ELMO1: variants seen among roughly 807,000 people sequenced by gnomAD.
ELMO1 encodes engulfment and cell motility 1, also known as engulfment and cell motility protein 1.
A neutral mutation model predicts 98.9 loss-of-function variants in ELMO1; 26 were observed. The ratio of observed to expected loss-of-function variants is 0.26; its 90% CI spans 0.19 to 0.36. The LOEUF is 0.36. Among genes scored for constraint, ELMO1 ranks in the 10% least tolerant of loss-of-function variants. ELMO1 has a pLI of 1.00. For synonymous variants in ELMO1, 346 were observed against 346.0 expected, an observed-to-expected ratio of 1.00 and a Z score of 0.00; for missense variants, 627 against 935.2, an observed-to-expected ratio of 0.67 and a Z score of 4.30.
intron 13 of ELMO1, among the ~76,000 whole-genome samples, chr7:37,202,977 C>T (rs1014587762): frequency 2.6e-5 from 4 of 152,078 alleles, no homozygotes; most frequent in East Asian, 3.9e-4. Flanking sequence ...CCCTGCTGAT[C>T]GGAATAGTTG....
chr7:37,354,651 C>G (rs1337249065), intron 1 of ELMO1, among the ~76,000 whole-genome samples: 6 of 152,182 alleles, frequency 3.9e-5, no homozygotes, highest in African/African-American at 1.4e-4. Context: ...TTTTCAAATT[C>G]CTTTTCAGCT....
At chr7:37,444,416 C>T (rs1447619357) in intron 1 of ELMO1, among the ~76,000 whole-genome samples, 5 of 152,220 alleles carry the variant, frequency 3.3e-5, no homozygotes, top group Admixed American at 3.3e-4. Flanking sequence ...GAGCTACTGC[C>T]TTTCTGCATC....
intron 13 of ELMO1, among the ~76,000 whole-genome samples, chr7:37,141,139 CATCA>C (rs1756154069): frequency 1.3e-5 from 2 of 152,282 alleles, no homozygotes; most frequent in South Asian, 4.1e-4. Context: ...CCCAAATGCC[CATCA>C]ATCAATGAGT....
Position 37,290,553 on chromosome 7 carries a change from G to A in ELMO1, c.193-18671C>T, listed in dbSNP as rs78814342. Among the ~76,000 whole-genome samples the A allele has an allele frequency of 1.3e-3, 205 of 152,130 alleles. 3 individuals are homozygous for A. The East Asian group carries it at 0.035, about 26-fold the overall frequency. ...TAAACAATGGAAGTGCTTAAAACACGTACAATTTATGATGGATACAAAATT... is the reference window on the plus strand; with the variant it reads ...TAAACAATGGAAGTGCTTAAAACACATACAATTTATGATGGATACAAAATT... On this transcript the variant is annotated intron_variant, in intron 4 of 21. Transcript: ENST00000310758.
intron 20 of ELMO1, among the ~76,000 whole-genome samples, chr7:36,865,663 G>A (rs1270087700): frequency 1.3e-5 from 2 of 152,174 alleles, no homozygotes; most frequent in Non-Finnish European, 2.9e-5. Flanking sequence ...CTTTTCAAAA[G>A]CTAGATCAGA....
At chr7:37,373,657 T>G (rs1583644499) in intron 1 of ELMO1, among the ~76,000 whole-genome samples, 1 of 152,240 alleles carries the variant, frequency 6.6e-6, no homozygotes, top group East Asian at 1.9e-4. Flanking sequence ...CTATTTTAAT[T>G]TTTTAATTTT....
chr7:37,180,024 A>T (rs1262720083), intron 13 of ELMO1, among the ~76,000 whole-genome samples: 2 of 151,730 alleles, frequency 1.3e-5, no homozygotes, highest in Non-Finnish European at 2.9e-5. Flanking sequence ...GAATGAACAT[A>T]AAGCAAATTC....
Position 36,887,638 on chromosome 7 carries a change from C to G in ELMO1, c.1636G>C (p.Glu546Gln). ...LKEKIQPEILELIKQQRLNRL... is the reference protein window; with the variant it reads ...LKEKIQPEILQLIKQQRLNRL... ...TTCAGGCGTTGCTGTTTGATCAGCT[C>G]TAAGATTTCTGGCTGAATCTTCTCC... is the stretch of plus-strand genomic sequence containing the variant. The change falls in exon 18 of 22, where the codon GAG becomes CAG. Residue 546 changes from glutamate (E) to glutamine (Q), a missense_variant. Physicochemically the swap from Glu to Gln is conservative, Grantham distance 29 (BLOSUM62 2). Transcript: ENST00000310758. 1 of 1,614,080 alleles carries G rather than the reference C, an allele frequency of 6.2e-7. No homozygotes were observed. The highest frequency in any genetic ancestry group is 8.5e-7 in the Non-Finnish European group (1 of 1,179,960).
chr7:37,181,769 T>C (rs1272578084), intron 13 of ELMO1, among the ~76,000 whole-genome samples: 1 of 152,252 alleles, frequency 6.6e-6, no homozygotes, highest in Non-Finnish European at 1.5e-5. Context: ...GCAGGTCAGC[T>C]GACTAAAGTC....
Position 37,267,038 on chromosome 7 carries a change from T to TATACAC in ELMO1, c.243+4793_243+4794insGTGTAT, listed in dbSNP as rs1253737400. ...AAAAAAAAAAAAAAATATGTATATA[T>TATACAC]ACACACACACACACACACACACACA... is the stretch of plus-strand genomic sequence containing the variant. On this transcript the variant is annotated intron_variant, in intron 5 of 21. Coordinates refer to ENST00000310758, the MANE Select transcript of ELMO1 (RefSeq NM_014800.11). Among the ~76,000 whole-genome samples the TATACAC allele has an allele frequency of 4.2e-4, 42 of 100,310 alleles. 1 individual carries two copies. The highest frequency in any genetic ancestry group is 2.3e-3 in the East Asian group (9 of 3,900). The allele number at this position is 100,310 out of a possible 152,430, so 65.8% of individuals were successfully genotyped here.
chr7:37,211,540 A>T, intron 12 of ELMO1, 23 bp from the exon 13 acceptor site: 1 of 1,611,016 alleles, frequency 6.2e-7, no homozygotes, highest in Non-Finnish European at 8.5e-7. Context: ...GGGAGTAAAA[A>T]GAAAAGGGAG....
chr7:36,921,929 T>C (rs1785181259), intron 16 of ELMO1, among the ~76,000 whole-genome samples: 1 of 152,202 alleles, frequency 6.6e-6, no homozygotes, highest in Non-Finnish European at 1.5e-5. Flanking sequence ...CTGTGTGGCA[T>C]TGTCAGATCT....
rs117269126 is a variant in ELMO1 at position 37,091,635 on chromosome 7, A to G, written c.1300+4984T>C. On this transcript the variant is annotated intron_variant, in intron 15 of 21. Coordinates refer to ENST00000310758, the MANE Select transcript of ELMO1 (RefSeq NM_014800.11). ...CACACAGGGTCAGTGTGCAGGGAAT[A>G]TAACTCTTCTTTTGAAGACTTGCTC... Among the ~76,000 whole-genome samples the G allele has an allele frequency of 4.1e-3, 622 of 152,186 alleles. 2 individuals carry two copies. The highest frequency in any genetic ancestry group is 6.2e-3 in the Non-Finnish European group (423 of 67,990).
chr7:37,020,778 A>G (rs1416108734), intron 15 of ELMO1, among the ~76,000 whole-genome samples: 1 of 152,190 alleles, frequency 6.6e-6, no homozygotes, highest in Non-Finnish European at 1.5e-5. Flanking sequence ...GAAATGGTGC[A>G]CTTTGAAAAA....
At chr7:36,899,796 G>A (rs764535582) in intron 16 of ELMO1, among the ~76,000 whole-genome samples, 9 of 147,512 alleles carry the variant, frequency 6.1e-5, no homozygotes, top group Non-Finnish European at 1.2e-4. Flanking sequence ...TGGATATCTG[G>A]CAAATGTAAG....
At chr7:36,960,958 T>C (rs1788892805) in intron 16 of ELMO1, among the ~76,000 whole-genome samples, 2 of 152,180 alleles carry the variant, frequency 1.3e-5, no homozygotes, top group South Asian at 2.1e-4. Flanking sequence ...CCTCTGTCTC[T>C]GTACGGGGGA....
At chr7:37,237,249 A>G (rs552953204) in intron 7 of ELMO1, among the ~76,000 whole-genome samples, 1 of 152,182 alleles carries the variant, frequency 6.6e-6, no homozygotes, top group Non-Finnish European at 1.5e-5. Flanking sequence ...GTGCTTCCAA[A>G]TGTTTCCATG....
At chr7:37,201,965 AG>A (rs532935918) in intron 13 of ELMO1, among the ~76,000 whole-genome samples, 80 of 152,368 alleles carry the variant, frequency 5.3e-4, no homozygotes, top group Middle Eastern at 3.4e-3. Flanking sequence ...GAGTTCATGC[AG>A]CCTGAACCAT....
At chr7:37,235,707 C>T (rs1423789643) in intron 7 of ELMO1, among the ~76,000 whole-genome samples, 4 of 152,226 alleles carry the variant, frequency 2.6e-5, no homozygotes, top group East Asian at 1.9e-4. Flanking sequence ...CTGAGGCAGG[C>T]GCATCACCTG....
Sources: allele counts gnomAD v4.1 joint callset (sites outside exome capture counted in the v4.1 genomes callset), GRCh38; gene constraint gnomAD v4.1.1; transcripts MANE v1.5; gene names NCBI Gene and HGNC (gene_info 2026-07-23, HGNC 2026-07-21).